ZP3: variants seen among roughly 807,000 people sequenced by gnomAD.
The protein encoded by ZP3 is zona pellucida glycoprotein 3.
ZP3 carries 21 observed loss-of-function variants against 35.6 expected under a neutral mutation model. The observed-to-expected ratio is 0.59, with a 90% CI of 0.42 to 0.85. The LOEUF (loss-of-function observed/expected upper bound fraction) is 0.85, where lower values mean the gene tolerates loss of function less well. ZP3 is among the 40% of genes least tolerant of loss of function. The probability of loss-of-function intolerance (pLI) is 0.00; values close to 1 mark genes in which losing one functional copy is unlikely to be tolerated. For synonymous variants in ZP3, 207 were observed against 214.5 expected (o/e 0.96, Z 0.31); for missense variants, 437 against 536.5 (o/e 0.81, Z 1.83).
rs1395928196 is a variant in ZP3 at position 76,433,979 on chromosome 7, G to A, written c.714-59G>A. On this transcript the variant is annotated intron_variant, in intron 4 of 7. Transcript: ENST00000394857. ...CTCCCAAAGTGCTGGGATTATGGGCGTGAGCCACGGTGCCCGGCCCACCTG... is the reference window on the plus strand; with the variant it reads ...CTCCCAAAGTGCTGGGATTATGGGCATGAGCCACGGTGCCCGGCCCACCTG... 2.0e-5 allele frequency: 26 copies of A among 1,310,780 alleles called. 4 individuals are homozygous for A. The highest frequency in any genetic ancestry group is 1.8e-4 in the East Asian group (7 of 39,350). 81.2% of individuals were successfully genotyped at this position (1,310,780 alleles called of 1,614,324 possible).
chr7:76,426,438 T>C (rs1805653562), intron 1 of ZP3, among the ~76,000 whole-genome samples: 1 of 152,160 alleles, frequency 6.6e-6, no homozygotes, highest in Non-Finnish European at 1.5e-5. Context: ...CCCAGTAGCT[T>C]GCCTGGGATG....
At chr7:76,414,696 CTTTTTTTTTT>C (rs562055219) in intron 1 of ZP3, among the ~76,000 whole-genome samples, 6 of 53,186 alleles carry the variant, frequency 1.1e-4, no homozygotes, top group Non-Finnish European at 1.9e-4. Context: ...CCTCCTCCTC[CTTTTTTTTTT>C]TTTTTTTTTT....
intron 1 of ZP3, chr7:76,404,469 C>T: frequency 6.2e-7 from 1 of 1,613,746 alleles, no homozygotes; most frequent in South Asian, 1.1e-5. Context: ...TCAGATGCTC[C>T]CATCAAGGCG....
At chr7:76,429,161 C>T (rs191141717) in intron 1 of ZP3, 3 of 284,894 alleles carry the variant, frequency 1.1e-5, no homozygotes, top group Non-Finnish European at 2.1e-5. Context: ...TGGTATCTGC[C>T]ATGTGGTTGA....
At chr7:76,400,448 G>A in intron 1 of ZP3, 1 of 1,608,928 alleles carries the variant, frequency 6.2e-7, no homozygotes, top group Non-Finnish European at 8.5e-7. Flanking sequence ...GGCACGGGCA[G>A]TGCCAGGCCA....
At position 76,438,538 on chromosome 7, in the gene ZP3, G is replaced by GGAAAAAAAA. The variant is rs1554626485; in HGVS notation, c.832-1712_832-1711insGAAAAAAAA. ...TGGACTAGAGACAGACTCCGTCTCA[G>GGAAAAAAAA]AAAAAAAAAAAAAAAAAAAGGGTAG... On this transcript the variant is annotated intron_variant, in intron 5 of 7. Transcript: ENST00000394857. 4.9e-3 allele frequency among the ~76,000 whole-genome samples: 434 copies of GGAAAAAAAA among 88,458 alleles called. 2 individuals are homozygous for GGAAAAAAAA. Among genetic ancestry groups the GGAAAAAAAA allele is most frequent in the African/African-American group, 0.015 (266 of 18,334 alleles). 58.0% of individuals were successfully genotyped at this position (88,458 alleles called of 152,430 possible). A position where few individuals can be genotyped will look rare whatever the true frequency, so the allele number is the denominator to read the frequency against.
Position 76,398,656 on chromosome 7 carries a change from T to C in ZP3, c.-67+859T>C. 4.6e-6 allele frequency: 7 copies of C among 1,526,894 alleles called. No individual in the cohort carries two copies. The South Asian group carries it at 7.9e-5, about 17-fold the overall frequency. 94.6% of individuals were successfully genotyped at this position (1,526,894 alleles called of 1,614,324 possible). A position where few individuals can be genotyped will look rare whatever the true frequency, so the allele number is the denominator to read the frequency against. ...TTGTAATCCCTGTCTTCCCACTGCCTAGGGTAGGGTGTGAGAGACTCCTCT... is the reference window on the plus strand; with the variant it reads ...TTGTAATCCCTGTCTTCCCACTGCCCAGGGTAGGGTGTGAGAGACTCCTCT... On this transcript the variant is annotated intron_variant, in intron 1 of 8. Transcript: ENST00000336517.
chr7:76,400,698 GGGTCTCACTATGTTGCCAAGGCT>G, intron 1 of ZP3: 1 of 1,253,582 alleles, frequency 8.0e-7, no homozygotes, highest in Non-Finnish European at 1.1e-6. Context: ...GGTAGAGACG[GGGTCTCACTATGTTGCCAAGGCT>G]GGTCTCAAAC....
upstream of ZP3, among the ~76,000 whole-genome samples, chr7:76,422,674 G>A (rs368233480): frequency 4.1e-3 from 557 of 134,916 alleles, 2 homozygotes; most frequent in African/African-American, 0.015. Context: ...GCAAGATTCC[G>A]TCTCAAAAAA....
At chr7:76,430,994 T>C (rs922215153) in intron 2 of ZP3, among the ~76,000 whole-genome samples, 1 of 152,122 alleles carries the variant, frequency 6.6e-6, no homozygotes, top group African/African-American at 2.4e-5. Context: ...GCCAGACAGA[T>C]GGGCTCACCA....
intron 1 of ZP3, among the ~76,000 whole-genome samples, chr7:76,402,182 ATT>A (rs57389874): frequency 6.4e-4 from 81 of 127,160 alleles, no homozygotes; most frequent in African/African-American, 1.7e-3. Flanking sequence ...CTGCCCAGCT[ATT>A]TTTTTTTTTT....
At chr7:76,424,767 G>T (rs1050165970), upstream of ZP3, 1 of 549,668 alleles carries the variant, frequency 1.8e-6, no homozygotes, top group Non-Finnish European at 3.2e-6. Flanking sequence ...GTCATGCTGG[G>T]GTGAAGGCTG....
intron 5 of ZP3, among the ~76,000 whole-genome samples, chr7:76,438,401 T>C (rs1333850659): frequency 3.3e-5 from 5 of 152,130 alleles, no homozygotes; most frequent in Non-Finnish European, 7.4e-5. Flanking sequence ...CTACTACAAA[T>C]ACAAAAACTA....
intron 7 of ZP3, among the ~76,000 whole-genome samples, chr7:76,441,031 C>A (rs62475571): frequency 8.1e-6 from 1 of 124,144 alleles, no homozygotes; most frequent in Non-Finnish European, 1.8e-5. Context: ...ATTAGCTGGG[C>A]GTGGTGGTAC....
Position 76,429,313 on chromosome 7 carries a change from C to T in ZP3, c.313-202C>T, listed in dbSNP as rs1030102295. The T allele has an allele frequency of 1.8e-5, 10 of 564,758 alleles. No homozygotes were observed. In the African/African-American group the frequency reaches 1.9e-4, roughly 11 times the overall value. The allele number at this position is 564,758 out of a possible 1,614,324, so 35.0% of individuals were successfully genotyped here. A position where few individuals can be genotyped will look rare whatever the true frequency, so the allele number is the denominator to read the frequency against. Reference sequence around the variant, plus strand: ...AGAGATGGGGTCTTGCTATGTTTCCCAGGCCAGTCTCAAACTCCTGGCCTC... The same window carrying T: ...AGAGATGGGGTCTTGCTATGTTTCCTAGGCCAGTCTCAAACTCCTGGCCTC... On this transcript the variant is annotated intron_variant, in intron 1 of 7. Transcript: ENST00000394857.
chr7:76,401,007 C>A, intron 1 of ZP3: 1 of 1,550,482 alleles, frequency 6.4e-7, no homozygotes. Context: ...GGGGCACCTA[C>A]CTTGAAAGGG....
At chr7:76,428,150 A>C (rs1805722019) in intron 1 of ZP3, among the ~76,000 whole-genome samples, 1 of 141,902 alleles carries the variant, frequency 7.0e-6, no homozygotes, top group African/African-American at 2.8e-5. Flanking sequence ...ACATGGCGAA[A>C]CCCTGTCTCT....
At chr7:76,423,067 G>GAAACAAACAAAGAAAGAAAC (rs1393639040), upstream of ZP3, among the ~76,000 whole-genome samples, 4 of 143,492 alleles carry the variant, frequency 2.8e-5, no homozygotes, top group South Asian at 8.9e-4. Flanking sequence ...AAGAAAGAAA[G>GAAACAAACAAAGAAAGAAAC]AAAGAAAGAA....
intron 1 of ZP3, among the ~76,000 whole-genome samples, chr7:76,417,041 A>G (rs1805394310): frequency 6.7e-6 from 1 of 150,208 alleles, no homozygotes. Context: ...TTCCTTTCAT[A>G]TCCCTTTCAG....
Sources: gnomAD v4.1 joint callset for allele counts (sites outside exome capture counted in the v4.1 genomes callset) on GRCh38, gnomAD v4.1.1 for gene constraint, MANE v1.5 for transcripts, NCBI Gene and HGNC (gene_info 2026-07-23, HGNC 2026-07-21) for gene names.